CADM2: variants seen among roughly 807,000 people sequenced by gnomAD.
CADM2 encodes cell adhesion molecule 2, also known as immunoglobulin superfamily member 4D.
CADM2 carries 12 observed loss-of-function variants against 49.8 expected under a neutral mutation model. The ratio of observed to expected loss-of-function variants is 0.24; its 90% CI spans 0.15 to 0.39. The LOEUF (loss-of-function observed/expected upper bound fraction) is 0.39. CADM2 is among the 10% of genes least tolerant of loss of function. CADM2 has a pLI of 1.00. For missense variants in CADM2, 378 were observed against 492.3 expected, an observed-to-expected ratio of 0.77 and a Z score of 2.20; for synonymous variants, 214 against 175.4, an observed-to-expected ratio of 1.22 and a Z score of -1.74.
At chr3:85,693,347 G>C (rs904669187) in intron 1 of CADM2, among the ~76,000 whole-genome samples, 2 of 151,730 alleles carry the variant, frequency 1.3e-5, no homozygotes, top group African/African-American at 4.8e-5. Context: ...TTGGGAGGCC[G>C]AGGCAGGCAG....
intron 1 of CADM2, among the ~76,000 whole-genome samples, chr3:85,044,900 C>A (rs1046506792): frequency 2.0e-5 from 3 of 149,370 alleles, no homozygotes; most frequent in African/African-American, 5.0e-5. Context: ...ATGTTTCCAA[C>A]ATTCTTCAAA....
rs2063108758 is a variant in CADM2, at chr3:85,591,570, G to A, written c.62-134952G>A. ...TTAGCAGCAACATTTGTAAACACAA[G>A]GGAATGTTTTCACTTTTTAGTTGGG... is the stretch of plus-strand genomic sequence containing the variant. On this transcript the variant is annotated intron_variant, in intron 1 of 9. Coordinates refer to ENST00000383699, the MANE Select transcript of CADM2 (RefSeq NM_001167675.2). Among the ~76,000 whole-genome samples, 4 of 151,910 alleles carry A rather than the reference G, an allele frequency of 2.6e-5. No individual in the cohort carries two copies. The South Asian group carries it at 8.3e-4, about 31-fold the overall frequency.
At chr3:85,822,031 C>T (rs1270458456) in intron 3 of CADM2, among the ~76,000 whole-genome samples, 2 of 152,072 alleles carry the variant, frequency 1.3e-5, no homozygotes, top group African/African-American at 4.8e-5. Flanking sequence ...TGTCTATATG[C>T]ATATTTAGAA....
chr3:85,296,383 C>G (rs184808303), intron 1 of CADM2, among the ~76,000 whole-genome samples: 66 of 151,840 alleles, frequency 4.3e-4, no homozygotes, highest in Non-Finnish European at 8.4e-4. Flanking sequence ...GAGATTCTTA[C>G]CAATATCTAG....
At position 85,601,845 on chromosome 3, in the gene CADM2, G is replaced by C. The variant is rs535484293; in HGVS notation, c.62-124677G>C. Among the ~76,000 whole-genome samples, 15 of 150,984 alleles carry C rather than the reference G, an allele frequency of 9.9e-5. No homozygotes were observed. In the South Asian group the frequency reaches 3.1e-3, roughly 32 times the overall value. On this transcript the variant is annotated intron_variant, in intron 1 of 9. Transcript: ENST00000383699. Reference sequence around the variant, plus strand: ...CTCTTCTTAATTGTGTCTGTTTTTCGTTTCTGTTTCTTTTAGTCATTATCC... The same window carrying C: ...CTCTTCTTAATTGTGTCTGTTTTTCCTTTCTGTTTCTTTTAGTCATTATCC...
chr3:85,177,916 G>A (rs1020691975), intron 1 of CADM2, among the ~76,000 whole-genome samples: 6 of 151,716 alleles, frequency 4.0e-5, no homozygotes, highest in Admixed American at 1.3e-4. Context: ...GAAAAAAGGC[G>A]GATAATCCAA....
At chr3:85,471,575 T>G (rs2038765696) in intron 1 of CADM2, among the ~76,000 whole-genome samples, 1 of 152,076 alleles carries the variant, frequency 6.6e-6, no homozygotes, top group Non-Finnish European at 1.5e-5. Context: ...ATTTTTTAGT[T>G]AGATTTTCCT....
At chr3:85,726,746 G>A (rs2067710714) in intron 2 of CADM2, among the ~76,000 whole-genome samples, 198 bp downstream of exon 2, 1 of 152,008 alleles carries the variant, frequency 6.6e-6, no homozygotes, top group Admixed American at 6.6e-5. Flanking sequence ...ATGAATGTTT[G>A]TGAGTTTGTT....
intron 1 of CADM2, among the ~76,000 whole-genome samples, chr3:85,460,733 G>GGTGTGTGTGT (rs57401290): frequency 3.2e-4 from 48 of 149,154 alleles, no homozygotes; most frequent in South Asian, 1.9e-3. Flanking sequence ...TGGGAGATGT[G>GGTGTGTGTGT]GTGTGTGTGT....
chr3:85,066,367 C>G (rs2036529891), intron 1 of CADM2, among the ~76,000 whole-genome samples: 1 of 144,744 alleles, frequency 6.9e-6, no homozygotes, highest in Admixed American at 7.1e-5. Context: ...GGGTAAAATG[C>G]TGGAATCAGC....
At chr3:85,444,443 T>TCACA (rs4053296) in intron 1 of CADM2, among the ~76,000 whole-genome samples, 9,927 of 147,890 alleles carry the variant, frequency 0.067, 925 homozygotes, top group African/African-American at 0.22. Context: ...TCCTACACAC[T>TCACA]CACACACACA....
At chr3:85,404,910 A>T (rs2107451010) in intron 1 of CADM2, among the ~76,000 whole-genome samples, 1 of 152,292 alleles carries the variant, frequency 6.6e-6, no homozygotes, top group Admixed American at 6.5e-5. Context: ...TAATAAAGTG[A>T]TGAAAAGAGT....
rs188940753 is a variant in CADM2 at position 85,528,056 on chromosome 3, T to C, written c.62-198466T>C. On this transcript the variant is annotated intron_variant, in intron 1 of 9. Coordinates refer to ENST00000383699, the MANE Select transcript of CADM2 (RefSeq NM_001167675.2). Reference sequence around the variant, plus strand: ...TTCCATCTGCACTTAGGGACAAAGATCACTTTTGCCACCATCTCGCAAGCA... The same window carrying C: ...TTCCATCTGCACTTAGGGACAAAGACCACTTTTGCCACCATCTCGCAAGCA... 5.8e-4 allele frequency among the ~76,000 whole-genome samples: 89 copies of C among 152,306 alleles called. 1 individual carries two copies. Among genetic ancestry groups the C allele is most frequent in the Admixed American group, 1.2e-3 (19 of 15,304 alleles).
Position 85,554,885 on chromosome 3 carries a change from T to TA in CADM2, c.62-171637_62-171636insA, listed in dbSNP as rs58828435. On this transcript the variant is annotated intron_variant, in intron 1 of 9. Coordinates refer to ENST00000383699, the MANE Select transcript of CADM2 (RefSeq NM_001167675.2). ...TGACTTTATTTTTTTTATTTTTATT[T>TA]TTTTTTTTTTTGTGCAGACTGTGTC... Among the ~76,000 whole-genome samples the TA allele has an allele frequency of 7.1e-3, 1,040 of 146,534 alleles. 9 individuals carry two copies. The highest frequency in any genetic ancestry group is 0.042 in the Middle Eastern group (12 of 288).
chr3:85,962,838 T>C (rs1215496173), intron 8 of CADM2, among the ~76,000 whole-genome samples: 1 of 151,988 alleles, frequency 6.6e-6, no homozygotes, highest in East Asian at 1.9e-4. Flanking sequence ...ATGAGTGTTA[T>C]ACATAACACA....
chr3:85,123,864 A>T (rs1007183358), intron 1 of CADM2, among the ~76,000 whole-genome samples: 2 of 152,194 alleles, frequency 1.3e-5, no homozygotes, highest in African/African-American at 4.8e-5. Context: ...AAATTGCACA[A>T]GACAAATTTT....
intron 6 of CADM2, among the ~76,000 whole-genome samples, chr3:85,917,755 G>A (rs1257404556): frequency 6.6e-6 from 1 of 152,098 alleles, no homozygotes; most frequent in African/African-American, 2.4e-5. Flanking sequence ...AAATTACCTT[G>A]GGCAGTATGG....
chr3:85,944,107 G>A (rs1722324100), intron 7 of CADM2, among the ~76,000 whole-genome samples: 1 of 151,852 alleles, frequency 6.6e-6, no homozygotes, highest in Admixed American at 6.6e-5. Flanking sequence ...AACGAAAAAT[G>A]GCAGGGTTGC....
chr3:85,494,084 T>C (rs1185465501), intron 1 of CADM2, among the ~76,000 whole-genome samples: 2 of 152,206 alleles, frequency 1.3e-5, no homozygotes, highest in East Asian at 3.8e-4. Flanking sequence ...AACTTTTCTT[T>C]ATAAACTTTT....
Sources: gnomAD v4.1 joint callset for allele counts (sites outside exome capture counted in the v4.1 genomes callset) on GRCh38, gnomAD v4.1.1 for gene constraint, MANE v1.5 for transcripts, NCBI Gene and HGNC (gene_info 2026-07-23, HGNC 2026-07-21) for gene names.